Variants in MOV10 observed in about 807,000 individuals in gnomAD.
MOV10 encodes RNA helicase MOV-10.
MOV10 carries 39 observed loss-of-function variants against 108.4 expected under a neutral mutation model. That is an observed-to-expected ratio of 0.36 (90% confidence interval 0.28 to 0.47). MOV10 has a LOEUF of 0.47. MOV10 is among the 20% of genes least tolerant of loss of function. MOV10 has a pLI of 1.00. For missense variants in MOV10, 952 were observed against 1,297.6 expected, an observed-to-expected ratio of 0.73 and a Z score of 4.09; for synonymous variants, 490 against 523.1, an observed-to-expected ratio of 0.94 and a Z score of 0.86.
Position 112,691,540 on chromosome 1 carries a change from C to T in MOV10, c.837-125C>T, listed in dbSNP as rs1454403370. The T allele has an allele frequency of 2.2e-5, 27 of 1,202,902 alleles. No individual in the cohort carries two copies. In the East Asian group the frequency reaches 2.6e-4, roughly 12 times the overall value. 74.5% of individuals were successfully genotyped at this position (1,202,902 alleles called of 1,614,324 possible). On this transcript the variant is annotated intron_variant, in intron 5 of 20. Coordinates refer to ENST00000369645, the MANE Select transcript of MOV10 (RefSeq NM_001321324.2). Reference sequence around the variant, plus strand: ...AAATGAGAGTAGTCCACCCTTGGAGCGAGGCTGCTGACTTCCCTTCAGCAG... The same window carrying T: ...AAATGAGAGTAGTCCACCCTTGGAGTGAGGCTGCTGACTTCCCTTCAGCAG...
In MOV10 at chr1:112,681,593, A is replaced by G. The variant is rs79487453; in HGVS notation, c.137+6544A>G. Among the ~76,000 whole-genome samples, 311 of 152,108 alleles carry G rather than the reference A, an allele frequency of 2.0e-3. 1 individual carries two copies. Among genetic ancestry groups the G allele is most frequent in the East Asian group, 6.2e-3 (32 of 5,180 alleles). On this transcript the variant is annotated intron_variant, in intron 2 of 20. Transcript: ENST00000369645. ...CATAGACCTCTAATGCATTGTTGGG[A>G]TTTTTTCCCCAATATCATACTATAA...
In MOV10 at chr1:112,694,830, C is replaced by T. The variant is rs781641585; in HGVS notation, c.1554C>T (p.Ala518=). ...TTGTTACGGGCACCACCCGTCCAGCCCCCTACATCATCTTTGGGCCTCCAG... is the reference window on the plus strand; with the variant it reads ...TTGTTACGGGCACCACCCGTCCAGCTCCCTACATCATCTTTGGGCCTCCAG... ...RHIVTGTTRP[A]PYIIFGPPGT... Residue 518 remains alanine, a synonymous_variant, in exon 10 of 21, where the codon GCC becomes GCT. Coordinates refer to ENST00000369645, the MANE Select transcript of MOV10 (RefSeq NM_001321324.2). This position sits in a 1 kb window ranked among gnomAD's most constrained non-coding sequence, Gnocchi z 4.1. The T allele has an allele frequency of 2.5e-6, 4 of 1,614,178 alleles. No homozygotes were observed. Among genetic ancestry groups the T allele is most frequent in the South Asian group, 1.1e-5 (1 of 91,088 alleles).
rs151095542 is a variant in MOV10, at chr1:112,698,089, G to A, written c.2294G>A (p.Arg765His). The stretch of plus-strand genomic sequence containing the variant: ...GTCGTGGATCGAGAACGCTTCTGCC[G>A]CTGGGCGGGCCTACCTCGACAGGTG... ...ADVVDRERFC[R>H]WAGLPRQGFP... is the part of the protein sequence containing the mutation. Residue 765 changes from arginine to histidine, a missense_variant, in exon 15 of 21, where the codon CGC becomes CAC. Coordinates refer to ENST00000369645, the MANE Select transcript of MOV10 (RefSeq NM_001321324.2). 7,929 of 1,614,050 alleles carry A rather than the reference G, an allele frequency of 4.9e-3. 18 individuals carry two copies. The highest frequency in any genetic ancestry group is 6.0e-3 in the Non-Finnish European group (7,133 of 1,180,004).
intron 11 of MOV10, 31 bp downstream of exon 11, chr1:112,695,605 G>T (rs771233971): frequency 6.2e-7 from 1 of 1,604,404 alleles, no homozygotes; most frequent in Non-Finnish European, 8.5e-7. Flanking sequence ...GCCAAAGAAT[G>T]GCAAATGCCG....
intron 7 of MOV10, chr1:112,693,545 G>A (rs1489506584): frequency 6.4e-6 from 1 of 155,800 alleles, no homozygotes; most frequent in African/African-American, 2.4e-5. Flanking sequence ...TGTATTTTTT[G>A]TAGAGATGGG....
intron 2 of MOV10, among the ~76,000 whole-genome samples, chr1:112,684,283 T>G (rs1172897261): frequency 8.1e-5 from 12 of 147,500 alleles, no homozygotes; most frequent in Non-Finnish European, 1.8e-4. Flanking sequence ...TTTTTTTTTT[T>G]TGTGACAGAG....
At position 112,675,207 on chromosome 1, in the gene MOV10, C is replaced by T. The variant is rs1324873109; in HGVS notation, c.137+158C>T. On this transcript the variant is annotated intron_variant, in intron 2 of 20. Coordinates refer to ENST00000369645, the MANE Select transcript of MOV10 (RefSeq NM_001321324.2). This position sits in a 1 kb window ranked among gnomAD's most constrained non-coding sequence, Gnocchi z 4.7. ...GCGGCGCAGACCTCCCCTCCCGCGCCTCGCCCACGCCCCACCAGCGCCGCC... is the reference window on the plus strand; with the variant it reads ...GCGGCGCAGACCTCCCCTCCCGCGCTTCGCCCACGCCCCACCAGCGCCGCC... 2.0e-5 allele frequency among the ~76,000 whole-genome samples: 3 copies of T among 151,976 alleles called. No homozygotes were observed. Among genetic ancestry groups the T allele is most frequent in the Non-Finnish European group, 4.4e-5 (3 of 67,948 alleles).
At chr1:112,699,216 T>TA (rs1553188382) in intron 17 of MOV10, 10 of 224,620 alleles carry the variant, frequency 4.5e-5, no homozygotes, top group Non-Finnish European at 8.8e-5. Flanking sequence ...CATACAGCTA[T>TA]CGGGGCAGAG....
At chr1:112,682,916 A>G (rs1391425471) in intron 2 of MOV10, among the ~76,000 whole-genome samples, 1 of 131,304 alleles carries the variant, frequency 7.6e-6, no homozygotes, top group East Asian at 2.4e-4. Flanking sequence ...AGCTCCTAGG[A>G]ACATCTTTTT....
intron 2 of MOV10, among the ~76,000 whole-genome samples, chr1:112,681,180 T>C (rs1008481967): frequency 6.6e-6 from 1 of 151,952 alleles, no homozygotes; most frequent in African/African-American, 2.4e-5. Flanking sequence ...GTTTTTTTAG[T>C]CATTGTTTTA....
At chr1:112,692,702 G>GGGTT in intron 6 of MOV10, 59 bp from the exon 7 acceptor site, 1 of 1,596,514 alleles carries the variant, frequency 6.3e-7, no homozygotes, top group Non-Finnish European at 8.5e-7. Flanking sequence ...CTGGGCATAG[G>GGGTT]GGTTGTCTGG....
In MOV10 at chr1:112,699,991, TC is replaced by T. The variant is rs770534680; in HGVS notation, c.2798+12del. 1 of 1,614,088 alleles carries T rather than the reference TC, an allele frequency of 6.2e-7. No individual in the cohort carries two copies. Reference sequence around the variant, plus strand: ...GACCCTGACTGGAAAGTGTGAGCATTCCCACCCCATTCTCCCTCTTAGTGGC... The same window carrying T: ...GACCCTGACTGGAAAGTGTGAGCATTCCACCCCATTCTCCCTCTTAGTGGC... On this transcript the variant is annotated intron_variant, in intron 19 of 20. Transcript: ENST00000369645.
At chr1:112,698,872 C>G in intron 17 of MOV10, 83 bp downstream of exon 17, 1 of 1,180,174 alleles carries the variant, frequency 8.5e-7, no homozygotes, top group Non-Finnish European at 1.3e-6. Context: ...AGCTTCCACT[C>G]CAGCCCACGT....
intron 2 of MOV10, among the ~76,000 whole-genome samples, chr1:112,677,743 G>T (rs1383089166): frequency 6.6e-6 from 1 of 152,076 alleles, no homozygotes; most frequent in African/African-American, 2.4e-5. Flanking sequence ...AGCAACTAGA[G>T]TTAACTAACA....
Position 112,696,193 on chromosome 1 carries a change from G to A in MOV10, c.1825G>A (p.Ala609Thr), listed in dbSNP as rs371708913. The A allele has an allele frequency of 1.4e-5, 23 of 1,613,810 alleles. No individual in the cohort carries two copies. The highest frequency in any genetic ancestry group is 1.6e-4 in the Middle Eastern group (1 of 6,084). ...DAKKGEYVFP[A>T]KKKLQEYRVL... is the part of the protein sequence containing the mutation. The stretch of plus-strand genomic sequence containing the variant: ...AAAGAAGGGGGAGTATGTATTTCCC[G>A]CCAAGAAGAAGCTGCAGGAATACCG... The change falls in exon 12 of 21, where the codon GCC becomes ACC. Residue 609 changes from alanine (A) to threonine (T), a missense_variant. Physicochemically the swap from Ala to Thr is moderately conservative, Grantham distance 58 (BLOSUM62 0). Transcript: ENST00000369645.
chr1:112,692,639 C>G, intron 6 of MOV10, 122 bp from the exon 7 acceptor site: 3 of 1,342,828 alleles, frequency 2.2e-6, no homozygotes, highest in Non-Finnish European at 3.0e-6. Flanking sequence ...CTCTAGTCTT[C>G]TCTGCTTTTT....
rs747646761 is a variant in MOV10, at chr1:112,675,006, C to A, written c.94C>A (p.Arg32Ser). 2.7e-5 allele frequency: 43 copies of A among 1,583,656 alleles called. No individual in the cohort carries two copies. The highest frequency in any genetic ancestry group is 3.5e-5 in the Non-Finnish European group (41 of 1,166,090). Residue 32 changes from arginine to serine, a missense_variant, in exon 2 of 21, where the codon CGC becomes AGC. By Grantham distance (110) the Arg-to-Ser change is moderately radical (BLOSUM62 -1). This residue lies in a region of MOV10 where 374 missense variants were observed against 468.6 expected (regional missense o/e 0.80). Coordinates refer to ENST00000369645, the MANE Select transcript of MOV10 (RefSeq NM_001321324.2). The surrounding 1 kb of genome is among the most constrained non-coding windows in gnomAD (Gnocchi z 4.7). The stretch of plus-strand genomic sequence containing the variant: ...TCGGGGACTGGACATGGAGACAGAT[C>A]GCGAGCGGCTGCGGACCATTTATAA... ...VVRGLDMETDRERLRTIYNRD... is the reference protein window; with the variant it reads ...VVRGLDMETDSERLRTIYNRD...
Position 112,696,817 on chromosome 1 carries a change from G to T in MOV10, c.2169G>T (p.Gln723His). The change falls in exon 14 of 21, where the codon CAG becomes CAT. Residue 723 changes from glutamine (Q) to histidine (H), a missense_variant. By Grantham distance (24) the Gln-to-His change is conservative. Coordinates refer to ENST00000369645, the MANE Select transcript of MOV10 (RefSeq NM_001321324.2). ...YKKGPDGYDP[Q>H]FITKLLRNYR... is the part of the protein sequence containing the mutation. ...AGGGCCCTGATGGCTATGACCCCCA[G>T]TTCATAACCAAGCTGCTCCGCAACT... The T allele has an allele frequency of 6.2e-7, 1 of 1,602,818 alleles. No individual in the cohort carries two copies. The highest frequency in any genetic ancestry group is 8.5e-7 in the Non-Finnish European group (1 of 1,174,018).
In MOV10 at chr1:112,699,144, A is replaced by G. The variant is rs184967417; in HGVS notation, c.2583+355A>G. 61 of 262,978 alleles carry G rather than the reference A, an allele frequency of 2.3e-4. 1 individual carries two copies. The East Asian group carries it at 4.7e-3, about 20-fold the overall frequency. The allele number at this position is 262,978 out of a possible 1,614,324, so 16.3% of individuals were successfully genotyped here. On this transcript the variant is annotated intron_variant, in intron 17 of 20. Transcript: ENST00000369645. ...GTTCTGGTCTCAACACTGGCTGCAG[A>G]TAACAATCACCTGGAGAGCTTTTAA...
Sources: gnomAD v4.1 joint callset for allele counts (sites outside exome capture counted in the v4.1 genomes callset) on GRCh38, gnomAD v4.1.1 for gene constraint, gnomAD v4.1.1 regional missense constraint, Gnocchi (gnomAD v3.1) non-coding constraint, MANE v1.5 for transcripts, NCBI Gene and HGNC (gene_info 2026-07-23, HGNC 2026-07-21) for gene names.